Variants in ERC2 observed in about 807,000 individuals in gnomAD.
ERC2 encodes the protein ERC protein 2.
Under a neutral mutation model 114.8 loss-of-function variants are expected in ERC2, and 42 were observed. The ratio of observed to expected loss-of-function variants is 0.37; its 90% CI spans 0.29 to 0.47. The LOEUF is 0.47. Among genes scored for constraint, ERC2 ranks in the 20% least tolerant of loss-of-function variants. ERC2 has a pLI of 0.99. For synonymous variants in ERC2, 454 were observed against 425.5 expected (o/e 1.07, Z -0.82); for missense variants, 939 against 1,150.7 (o/e 0.82, Z 2.66).
At chr3:55,920,446 A>ACACACACACCCCCC (rs57638674) in intron 13 of ERC2, among the ~76,000 whole-genome samples, 14 of 145,546 alleles carry the variant, frequency 9.6e-5, no homozygotes, top group African/African-American at 3.4e-4. Context: ...ACACACACAC[A>ACACACACACCCCCC]CCCCAAGTGA....
At chr3:55,873,578 A>G (rs1275548298) in intron 14 of ERC2, among the ~76,000 whole-genome samples, 2 of 152,226 alleles carry the variant, frequency 1.3e-5, no homozygotes, top group Non-Finnish European at 2.9e-5. Flanking sequence ...GAATAATCTG[A>G]TGATGGCCCC....
At position 55,509,563 on chromosome 3, in the gene ERC2, T is replaced by C. The variant is rs2051950840; in HGVS notation, c.*1753A>G. The C allele has an allele frequency of 1.3e-5, 2 of 152,698 alleles. No homozygotes were observed. The highest frequency in any genetic ancestry group is 4.8e-5 in the African/African-American group (2 of 41,590). 9.5% of individuals were successfully genotyped at this position (152,698 alleles called of 1,614,324 possible). On this transcript the variant is annotated 3_prime_UTR_variant, in exon 18 of 18. Transcript: ENST00000288221. ...AACACATAAGCATTACATAGTTTGT[T>C]ATACTTACTGATGACAAGAACAAAG...
Position 56,366,527 on chromosome 3 carries a change from A to G in ERC2, c.657+67824T>C, listed in dbSNP as rs375339790. Among the ~76,000 whole-genome samples, 4 of 152,272 alleles carry G rather than the reference A, an allele frequency of 2.6e-5. No homozygotes were observed. In the East Asian group the frequency reaches 7.7e-4, roughly 29 times the overall value. On this transcript the variant is annotated intron_variant, in intron 2 of 17. Coordinates refer to ENST00000288221, the MANE Select transcript of ERC2 (RefSeq NM_015576.3). ...CTGTCAGGTCTGTGACAACGTGGTAAGTTAGCACTGTGTCTGATTCCATTC... is the reference window on the plus strand; with the variant it reads ...CTGTCAGGTCTGTGACAACGTGGTAGGTTAGCACTGTGTCTGATTCCATTC...
At chr3:55,585,548 TG>T (rs1338524088) in intron 17 of ERC2, among the ~76,000 whole-genome samples, 2 of 152,204 alleles carry the variant, frequency 1.3e-5, no homozygotes, top group Non-Finnish European at 2.9e-5. Context: ...CTATAACTGT[TG>T]GGGTTCTAGA....
At chr3:55,887,205 T>C (rs2063387882) in intron 14 of ERC2, among the ~76,000 whole-genome samples, 1 of 152,218 alleles carries the variant, frequency 6.6e-6, no homozygotes, top group South Asian at 2.1e-4. Flanking sequence ...AGTATAATAA[T>C]ACCTGGTTTT....
chr3:56,379,995 G>A (rs1337762217), intron 2 of ERC2, among the ~76,000 whole-genome samples: 1 of 152,084 alleles, frequency 6.6e-6, no homozygotes, highest in Non-Finnish European at 1.5e-5. Context: ...GATTGTAGGA[G>A]CTGTCCTGTG....
At chr3:56,196,478 T>C (rs954767819) in intron 3 of ERC2, among the ~76,000 whole-genome samples, 2 of 150,878 alleles carry the variant, frequency 1.3e-5, no homozygotes, top group African/African-American at 2.4e-5. Context: ...ACAGGACAGA[T>C]GACTTTCTTG....
At chr3:55,952,057 T>C (rs1025245816) in intron 12 of ERC2, among the ~76,000 whole-genome samples, 1 of 150,208 alleles carries the variant, frequency 6.7e-6, no homozygotes, top group Admixed American at 6.6e-5. Flanking sequence ...TCCCAGCTAC[T>C]CGGAAGTCTG....
At chr3:55,698,238 G>A (rs1173596305) in intron 16 of ERC2, among the ~76,000 whole-genome samples, 2 of 151,990 alleles carry the variant, frequency 1.3e-5, no homozygotes, top group African/African-American at 4.8e-5. Flanking sequence ...CAAAGGTCAG[G>A]TCAAGCTCAG....
intron 14 of ERC2, among the ~76,000 whole-genome samples, chr3:55,885,611 G>A (rs2063319660): frequency 6.6e-6 from 1 of 152,204 alleles, no homozygotes; most frequent in Non-Finnish European, 1.5e-5. Context: ...TTAGTTAGGT[G>A]CTATCTGAAA....
chr3:56,369,020 G>T (rs1054432879), intron 2 of ERC2, among the ~76,000 whole-genome samples: 4 of 152,114 alleles, frequency 2.6e-5, no homozygotes, highest in Non-Finnish European at 4.4e-5. Flanking sequence ...TCTAGAAGTC[G>T]CCAGCTTTCA....
intron 15 of ERC2, among the ~76,000 whole-genome samples, chr3:55,732,243 T>C (rs2065295707): frequency 6.6e-6 from 1 of 152,162 alleles, no homozygotes; most frequent in Admixed American, 6.5e-5. Context: ...AACAGGGGGT[T>C]ATTTTGATAG....
intron 2 of ERC2, among the ~76,000 whole-genome samples, chr3:56,312,374 G>A (rs574821527): frequency 6.6e-6 from 1 of 152,302 alleles, no homozygotes; most frequent in South Asian, 2.1e-4. Context: ...GTACAAACAT[G>A]TAGTTAGAAA....
chr3:56,384,859 T>G (rs76984781), intron 2 of ERC2, among the ~76,000 whole-genome samples: 3,018 of 152,278 alleles, frequency 0.02, 99 homozygotes, highest in African/African-American at 0.069. Flanking sequence ...TTTTCATATA[T>G]GATATAAGGT....
chr3:55,647,686 A>AT (rs1433918176), intron 17 of ERC2, among the ~76,000 whole-genome samples: 1 of 152,206 alleles, frequency 6.6e-6, no homozygotes, highest in Admixed American at 6.5e-5. Flanking sequence ...CCATTTCAAC[A>AT]TTCCTTAACT....
At chr3:55,976,484 C>A (rs2069602028) in intron 12 of ERC2, among the ~76,000 whole-genome samples, 1 of 152,188 alleles carries the variant, frequency 6.6e-6, no homozygotes, top group South Asian at 2.1e-4. Flanking sequence ...CATTTCTTTA[C>A]AACTCACATT....
At chr3:55,637,334 CAT>C (rs1051248881) in intron 17 of ERC2, among the ~76,000 whole-genome samples, 1 of 152,204 alleles carries the variant, frequency 6.6e-6, no homozygotes, top group Non-Finnish European at 1.5e-5. Flanking sequence ...TATGGAAAGG[CAT>C]GAACCAGAGC....
chr3:56,426,789 G>C (rs967651526), intron 2 of ERC2, among the ~76,000 whole-genome samples: 2 of 152,158 alleles, frequency 1.3e-5, no homozygotes, highest in Non-Finnish European at 2.9e-5. Flanking sequence ...ATAAACGCTT[G>C]TCTTTTTAAG....
intron 16 of ERC2, among the ~76,000 whole-genome samples, chr3:55,696,322 C>A (rs145676894): frequency 0.024 from 3,621 of 152,208 alleles, 56 homozygotes; most frequent in Non-Finnish European, 0.035. Flanking sequence ...ATTTTGTAGC[C>A]CTTCTTCCAT....
Sources: gnomAD v4.1 joint callset for allele counts (sites outside exome capture counted in the v4.1 genomes callset) on GRCh38, gnomAD v4.1.1 for gene constraint, MANE v1.5 for transcripts, NCBI Gene and HGNC (gene_info 2026-07-23, HGNC 2026-07-21) for gene names.